DCST1: variants seen among roughly 807,000 people sequenced by gnomAD.
The protein encoded by DCST1 is E3 ubiquitin-protein ligase DCST1.
DCST1 carries 78 observed loss-of-function variants against 89.1 expected under a neutral mutation model. That is an observed-to-expected ratio of 0.88 (90% CI 0.73 to 1.06). The LOEUF (loss-of-function observed/expected upper bound fraction) is 1.06. Among genes scored for constraint, DCST1 ranks in the 50% least tolerant of loss-of-function variants. DCST1 has a pLI of 0.00. For missense variants in DCST1, 900 were observed against 928.6 expected (o/e 0.97, Z 0.40); for synonymous variants, 364 against 371.9 (o/e 0.98, Z 0.24).
chr1:155,045,895 C>G lies in DCST1; in HGVS notation c.1175C>G (p.Ser392Cys). The G allele has an allele frequency of 6.2e-7, 1 of 1,613,620 alleles. No homozygotes were observed. Among genetic ancestry groups the G allele is most frequent in the Non-Finnish European group, 8.5e-7 (1 of 1,179,498 alleles). ...SCTFLLVLHA[S>C]FSYMDSYNHD... Reference sequence around the variant, plus strand: ...CATCCCTGCCCATCCACCCACAGGTCTTTCTCCTACATGGACAGCTATAAC... The same window carrying G: ...CATCCCTGCCCATCCACCCACAGGTGTTTCTCCTACATGGACAGCTATAAC... The change falls in exon 11 of 17, where the codon TCT becomes TGT. Residue 392 changes from serine to cysteine, a missense_variant and splice_region_variant. Ser to Cys is a moderately radical substitution (Grantham distance 112). Coordinates refer to ENST00000295542, the MANE Select transcript of DCST1 (RefSeq NM_152494.4).
rs2102357065 is a variant in DCST1, at chr1:155,043,407, C to CCGAGGTG, written c.1073_1079dup (p.Asp361GlyfsTer42). On this transcript the variant is annotated frameshift_variant, in exon 10 of 17. Transcript: ENST00000295542. LOFTEE classifies it high-confidence loss of function. ...AACACAAGCTGGGAGCGCGTGAGCA[C>CCGAGGTG]CGAGGTGCGGGACTACGTGTACCGC... 6.2e-7 allele frequency: 1 copy of CCGAGGTG among 1,613,974 alleles called. No homozygotes were observed. Among genetic ancestry groups the CCGAGGTG allele is most frequent in the Non-Finnish European group, 8.5e-7 (1 of 1,179,954 alleles).
Position 155,040,558 on chromosome 1 carries a change from CA to C in DCST1, c.467del (p.Asn156ThrfsTer22). The C allele has an allele frequency of 1.3e-6, 2 of 1,591,832 alleles. No homozygotes were observed. Among genetic ancestry groups the C allele is most frequent in the South Asian group, 2.3e-5 (2 of 87,632 alleles). ...SLGCTVELQI[N>X]NTRAAWRIST... is the part of the protein sequence containing the mutation. ...TGGGCTGCACCGTGGAGCTGCAGAT[CA>C]ACAACACCCGCGCAGCTTGGCGCAT... is the stretch of plus-strand genomic sequence containing the variant. On this transcript the variant is annotated frameshift_variant, in exon 6 of 17. Coordinates refer to ENST00000295542, the MANE Select transcript of DCST1 (RefSeq NM_152494.4). LOFTEE classifies it high-confidence loss of function.
At chr1:155,039,962 G>A (rs909698414) in intron 5 of DCST1, among the ~76,000 whole-genome samples, 1 of 114,812 alleles carries the variant, frequency 8.7e-6, no homozygotes, top group Non-Finnish European at 1.6e-5. Context: ...TTGCACTCCA[G>A]CCTGGGTGAC....
At chr1:155,040,302 C>CA (rs35215394) in intron 5 of DCST1, among the ~76,000 whole-genome samples, 183 bp from the exon 6 acceptor site, 5,671 of 59,012 alleles carry the variant, frequency 0.096, 266 homozygotes, top group African/African-American at 0.17. Context: ...GACTCCGTCT[C>CA]AAAAAAAAAA....
chr1:155,043,404 G>C lies in DCST1; in HGVS notation c.1067G>C (p.Ser356Thr). Reference sequence around the variant, plus strand: ...CTCAACACAAGCTGGGAGCGCGTGAGCACCGAGGTGCGGGACTACGTGTAC... The same window carrying C: ...CTCAACACAAGCTGGGAGCGCGTGACCACCGAGGTGCGGGACTACGTGTAC... ...LGLNTSWERVSTEVRDYVYRQ... is the reference protein window; with the variant it reads ...LGLNTSWERVTTEVRDYVYRQ... The change falls in exon 10 of 17, where the codon AGC becomes ACC. Residue 356 changes from serine (S) to threonine (T), a missense_variant. Physicochemically the swap from Ser to Thr is moderately conservative, Grantham distance 58. Transcript: ENST00000295542. The C allele has an allele frequency of 7.4e-6, 12 of 1,613,998 alleles. No individual in the cohort carries two copies. Among genetic ancestry groups the C allele is most frequent in the Non-Finnish European group, 1.0e-5 (12 of 1,179,950 alleles).
chr1:155,050,569 C>A (rs1370481498), intron 16 of DCST1, 48 bp from the exon 17 acceptor site: 1 of 1,516,582 alleles, frequency 6.6e-7, no homozygotes, highest in Admixed American at 1.9e-5. Flanking sequence ...AGTTCCCCTT[C>A]TTTCCCGCCT....
chr1:155,040,426 CG>C, intron 5 of DCST1, 58 bp from the exon 6 acceptor site: 3 of 1,533,912 alleles, frequency 2.0e-6, no homozygotes, highest in Non-Finnish European at 2.6e-6. Flanking sequence ...GGAAGCTGAG[CG>C]GGTTTGAGAA....
rs139191256 is a variant in DCST1, at chr1:155,050,516, G to A, written c.1870-101G>A. ...TCCAACCCAGCCTCCTCCAACACGCGGGAATTGTCAGGCCTGGCGACTTCA... is the reference window on the plus strand; with the variant it reads ...TCCAACCCAGCCTCCTCCAACACGCAGGAATTGTCAGGCCTGGCGACTTCA... On this transcript the variant is annotated intron_variant, in intron 16 of 16. Transcript: ENST00000295542. 30 of 1,424,032 alleles carry A rather than the reference G, an allele frequency of 2.1e-5. No homozygotes were observed. The East Asian group carries it at 7.3e-4, about 35-fold the overall frequency. 88.2% of individuals were successfully genotyped at this position (1,424,032 alleles called of 1,614,324 possible).
chr1:155,047,557 G>C lies in DCST1; in HGVS notation c.1613-230G>C, dbSNP rs1020790973. Among the ~76,000 whole-genome samples the C allele has an allele frequency of 3.3e-5, 5 of 152,240 alleles. No individual in the cohort carries two copies. In the South Asian group the frequency reaches 1.0e-3, roughly 32 times the overall value. The stretch of plus-strand genomic sequence containing the variant: ...GTGGCTAGGGGGCCCCAGCCCTCCA[G>C]AGCAGCACTGTCCAACAGGACATTC... On this transcript the variant is annotated intron_variant, in intron 14 of 16. Transcript: ENST00000295542.
intron 13 of DCST1, 60 bp downstream of exon 13, chr1:155,046,546 G>T: frequency 6.4e-7 from 1 of 1,574,364 alleles, no homozygotes. Flanking sequence ...GAACTCCAAT[G>T]CCTGCACAGC....
chr1:155,037,608 T>C (rs560862323), intron 4 of DCST1, among the ~76,000 whole-genome samples: 1 of 152,006 alleles, frequency 6.6e-6, no homozygotes, highest in African/African-American at 2.4e-5. Flanking sequence ...CATGCCTGGC[T>C]AAATTTTATA....
Position 155,042,700 on chromosome 1 carries a change from C to G in DCST1, c.893-35C>G, listed in dbSNP as rs757197454. 9 of 1,613,246 alleles carry G rather than the reference C, an allele frequency of 5.6e-6. No individual in the cohort carries two copies. In the African/African-American group the frequency reaches 1.2e-4, roughly 22 times the overall value. Reference sequence around the variant, plus strand: ...CAGGCCTGCACCTGGAGGACAGGCCCGGGGAGGCCCCTGACCCCGTCCACT... The same window carrying G: ...CAGGCCTGCACCTGGAGGACAGGCCGGGGGAGGCCCCTGACCCCGTCCACT... On this transcript the variant is annotated intron_variant, in intron 8 of 16. Transcript: ENST00000295542.
Position 155,050,609 on chromosome 1 carries a change from C to T in DCST1, c.1870-8C>T. On this transcript the variant is annotated splice_region_variant and splice_polypyrimidine_tract_variant and intron_variant, in intron 16 of 16. Transcript: ENST00000295542. ...CCCGGGCTGGCGCTAACGCCCACCT[C>T]CCAACAGCGCCACCCGCTGGCGGAT... 1 of 1,573,382 alleles carries T rather than the reference C, an allele frequency of 6.4e-7. No individual in the cohort carries two copies. Among genetic ancestry groups the T allele is most frequent in the East Asian group, 2.3e-5 (1 of 43,812 alleles).
Position 155,048,058 on chromosome 1 carries a change from G to A in DCST1, c.1757G>A (p.Arg586Gln), listed in dbSNP as rs759831692. 5.6e-6 allele frequency: 9 copies of A among 1,613,766 alleles called. 1 individual carries two copies. In the South Asian group the frequency reaches 6.6e-5, roughly 12 times the overall value. ...RVIAAFYFPK[R>Q]EKKRILFLYN... ...CATTGACCCCCTTCCTGCCCCCAGC[G>A]AGAGAAGAAGCGGATCCTGTTCCTC... is the stretch of plus-strand genomic sequence containing the variant. The change falls in exon 16 of 17, where the codon CGA becomes CAA. Residue 586 changes from arginine to glutamine, a missense_variant and splice_region_variant. Arg to Gln is a conservative substitution (Grantham distance 43, BLOSUM62 1). Coordinates refer to ENST00000295542, the MANE Select transcript of DCST1 (RefSeq NM_152494.4).
chr1:155,034,734 G>A lies in DCST1; in HGVS notation c.262+7G>A. 1 of 1,614,102 alleles carries A rather than the reference G, an allele frequency of 6.2e-7. No individual in the cohort carries two copies. On this transcript the variant is annotated splice_region_variant and intron_variant, in intron 4 of 16. Transcript: ENST00000295542. Reference sequence around the variant, plus strand: ...TTCTTGTACAGCTTGGTGGGTTAGTGCTGGGCAAAAGCCAGGAACACTCAA... The same window carrying A: ...TTCTTGTACAGCTTGGTGGGTTAGTACTGGGCAAAAGCCAGGAACACTCAA...
rs201316758 is a variant in DCST1 at position 155,042,857 on chromosome 1, G to A, written c.1014+1G>A. ...ATTTTCAGCCAATATTGACTTCAAG[G>A]TAGAAGGCAAGGGCGAGGGTTGGTG... On this transcript the variant is annotated splice_donor_variant, in intron 9 of 16. Coordinates refer to ENST00000295542, the MANE Select transcript of DCST1 (RefSeq NM_152494.4). LOFTEE classifies it high-confidence loss of function. 431 of 1,614,160 alleles carry A rather than the reference G, an allele frequency of 2.7e-4. No homozygotes were observed. The highest frequency in any genetic ancestry group is 3.4e-4 in the Non-Finnish European group (402 of 1,180,030).
At chr1:155,048,295 T>G in intron 16 of DCST1, 125 bp downstream of exon 16, 1 of 749,262 alleles carries the variant, frequency 1.3e-6, no homozygotes, top group Non-Finnish European at 2.2e-6. Flanking sequence ...GCCTGGTAAG[T>G]TCTTTTTATT....
At chr1:155,045,573 G>A (rs779899169) in intron 10 of DCST1, 1 of 392,170 alleles carries the variant, frequency 2.5e-6, no homozygotes. Flanking sequence ...ATGCATGCCT[G>A]TCCCTACCTC....
At chr1:155,050,493 C>A in intron 16 of DCST1, 124 bp from the exon 17 acceptor site, 1 of 1,357,020 alleles carries the variant, frequency 7.4e-7, no homozygotes, top group Non-Finnish European at 9.7e-7. Context: ...TTCCTTTGTC[C>A]AACCCAGCCT....
Sources: gnomAD v4.1 joint callset for allele counts (sites outside exome capture counted in the v4.1 genomes callset) on GRCh38, gnomAD v4.1.1 for gene constraint, MANE v1.5 for transcripts, NCBI Gene and HGNC (gene_info 2026-07-23, HGNC 2026-07-21) for gene names.